PLSCR2: variants seen among roughly 807,000 people sequenced by gnomAD.
PLSCR2 encodes the protein phospholipid scramblase 2, also known as PL scramblase 2.
PLSCR2 carries 18 observed loss-of-function variants against 25.3 expected under a neutral mutation model. The ratio of observed to expected loss-of-function variants is 0.71; its 90% CI spans 0.49 to 1.06. The LOEUF is 1.06. Ranked by LOEUF, PLSCR2 falls within the 50% of genes least tolerant of loss-of-function variation. The pLI is 0.00. For missense variants in PLSCR2, 243 were observed against 269.5 expected (o/e 0.90, Z 0.69); for synonymous variants, 88 against 87.3 (o/e 1.01, Z -0.04).
chr3:146,403,893 A>G (rs1358911446), intron 2 of PLSCR2, among the ~76,000 whole-genome samples: 1 of 152,142 alleles, frequency 6.6e-6, no homozygotes, highest in Non-Finnish European at 1.5e-5. Flanking sequence ...TTCTACTTTT[A>G]AACTTAACTT....
At chr3:146,430,336 C>A (rs1440025269), downstream of PLSCR2, among the ~76,000 whole-genome samples, 1 of 151,984 alleles carries the variant, frequency 6.6e-6, no homozygotes, top group Non-Finnish European at 1.5e-5. Flanking sequence ...CAGGGAGAAA[C>A]ACAGGGCTTG....
At chr3:146,436,168 T>G (rs2039843781) in intron 8 of PLSCR2, among the ~76,000 whole-genome samples, 1 of 152,240 alleles carries the variant, frequency 6.6e-6, no homozygotes, top group Non-Finnish European at 1.5e-5. Context: ...CTGTTTTGGT[T>G]ACTGTAGCCT....
upstream of PLSCR2, among the ~76,000 whole-genome samples, chr3:146,463,106 T>A (rs369487921): frequency 2.6e-5 from 4 of 152,230 alleles, no homozygotes; most frequent in African/African-American, 9.6e-5. Context: ...TATTTATTTA[T>A]TTTTTACCAG....
At chr3:146,403,259 A>G (rs1246637791) in intron 2 of PLSCR2, among the ~76,000 whole-genome samples, 1 of 151,904 alleles carries the variant, frequency 6.6e-6, no homozygotes, top group African/African-American at 2.4e-5. Context: ...AGAGCTGTCT[A>G]ATTCTTTTAA....
intron 2 of PLSCR2, among the ~76,000 whole-genome samples, chr3:146,400,428 T>C (rs2038428414): frequency 6.6e-6 from 1 of 151,460 alleles, no homozygotes; most frequent in Non-Finnish European, 1.5e-5. Flanking sequence ...ATTTGTAATA[T>C]AATATTTGTA....
intron 2 of PLSCR2, among the ~76,000 whole-genome samples, chr3:146,402,067 A>G (rs1487561086): frequency 6.6e-6 from 1 of 152,014 alleles, no homozygotes; most frequent in Non-Finnish European, 1.5e-5. Flanking sequence ...TTCTTCTGTT[A>G]TTATACAAAC....
chr3:146,436,176 C>T (rs1054928356), intron 8 of PLSCR2, among the ~76,000 whole-genome samples: 9 of 152,118 alleles, frequency 5.9e-5, no homozygotes, highest in Admixed American at 2.6e-4. Context: ...GTTACTGTAG[C>T]CTTGTAGTAT....
At chr3:146,477,835 G>A (rs546659659) in intron 1 of PLSCR2, among the ~76,000 whole-genome samples, 1 of 152,320 alleles carries the variant, frequency 6.6e-6, no homozygotes, top group African/African-American at 2.4e-5. Flanking sequence ...CCCAGTAGGG[G>A]CTGACACACA....
At chr3:146,414,986 T>G (rs775094345) in intron 2 of PLSCR2, 8 of 152,712 alleles carry the variant, frequency 5.2e-5, no homozygotes, top group Non-Finnish European at 7.4e-5. Flanking sequence ...TCTAAGGACC[T>G]TCTACACATT....
intron 6 of PLSCR2, among the ~76,000 whole-genome samples, chr3:146,447,366 T>C (rs571542264): frequency 6.6e-6 from 1 of 152,326 alleles, no homozygotes; most frequent in Admixed American, 6.5e-5. Flanking sequence ...TGCCTGGCTA[T>C]CAATAGGACA....
intron 1 of PLSCR2, among the ~76,000 whole-genome samples, chr3:146,465,770 G>A (rs951044586): frequency 2.6e-5 from 4 of 152,232 alleles, no homozygotes; most frequent in African/African-American, 9.6e-5. Context: ...ATAGCCCAGG[G>A]AGAAGGCAAC....
intron 1 of PLSCR2, among the ~76,000 whole-genome samples, chr3:146,476,257 C>G (rs533179890): frequency 6.6e-6 from 1 of 152,248 alleles, no homozygotes; most frequent in East Asian, 1.9e-4. Flanking sequence ...TAAGGAAATG[C>G]AGTGTGGTGC....
intron 2 of PLSCR2, among the ~76,000 whole-genome samples, chr3:146,406,551 C>T (rs116208290): frequency 2.6e-5 from 4 of 152,038 alleles, no homozygotes; most frequent in Admixed American, 6.5e-5. Context: ...AGTAGGAAGG[C>T]GCAGAGGACA....
Position 146,455,220 on chromosome 3 carries a change from C to G in PLSCR2, c.321+19G>C. ...TTGCTGAACTACTTTATGAAAAGCTCTAGTAATTGCTCACATACCTCCTGA... is the reference window on the plus strand; with the variant it reads ...TTGCTGAACTACTTTATGAAAAGCTGTAGTAATTGCTCACATACCTCCTGA... On this transcript the variant is annotated intron_variant, in intron 4 of 6. Transcript: ENST00000610787. 6.6e-7 allele frequency: 1 copy of G among 1,516,642 alleles called. No homozygotes were observed. The highest frequency in any genetic ancestry group is 9.2e-7 in the Non-Finnish European group (1 of 1,091,582). 93.9% of individuals were successfully genotyped at this position (1,516,642 alleles called of 1,614,324 possible). A position where few individuals can be genotyped will look rare whatever the true frequency, so the allele number is the denominator to read the frequency against.
intron 2 of PLSCR2, among the ~76,000 whole-genome samples, chr3:146,409,556 C>T (rs1442540240): frequency 3.3e-5 from 5 of 152,164 alleles, no homozygotes; most frequent in Admixed American, 6.5e-5. Context: ...AGTAACAACC[C>T]GCCACACAGC....
At chr3:146,450,087 T>C (rs1451683905) in intron 5 of PLSCR2, among the ~76,000 whole-genome samples, 1 of 152,206 alleles carries the variant, frequency 6.6e-6, no homozygotes, top group Non-Finnish European at 1.5e-5. Context: ...AGGGTCATTA[T>C]ATAGCATTGA....
chr3:146,449,360 G>T, exon 6 of PLSCR2: 2 of 1,519,918 alleles, frequency 1.3e-6, no homozygotes, highest in Non-Finnish European at 1.8e-6. Context: ...TTCATCAAGA[G>T]ATGTAATCTA....
exon 2 of PLSCR2, chr3:146,460,055 C>A (rs1452722080): frequency 1.3e-6 from 2 of 1,571,784 alleles, no homozygotes; most frequent in Middle Eastern, 1.7e-4. Context: ...CAGCCTGGTG[C>A]TTAGGGTAGA....
chr3:146,470,640 C>T (rs534290371), intron 1 of PLSCR2, among the ~76,000 whole-genome samples: 2 of 152,098 alleles, frequency 1.3e-5, no homozygotes, highest in Non-Finnish European at 2.9e-5. Context: ...GTGCTGTTCT[C>T]CCGATTACCC....
Sources: gnomAD v4.1 joint callset for allele counts (sites outside exome capture counted in the v4.1 genomes callset) on GRCh38, gnomAD v4.1.1 for gene constraint, MANE v1.5 for transcripts, NCBI Gene and HGNC (gene_info 2026-07-23, HGNC 2026-07-21) for gene names.